Variants in ERBB4 observed in about 807,000 individuals in gnomAD.
ERBB4 encodes the protein erb-b2 receptor tyrosine kinase 4.
In ERBB4, 42 loss-of-function variants were observed where a neutral mutation model predicts 158.0. The observed-to-expected ratio is 0.27, with a 90% confidence interval of 0.21 to 0.34. ERBB4 has a LOEUF of 0.34. Ranked by LOEUF, ERBB4 falls within the 10% of genes least tolerant of loss-of-function variation. The pLI is 1.00. For synonymous variants in ERBB4, 583 were observed against 558.7 expected, an observed-to-expected ratio of 1.04 and a Z score of -0.61; for missense variants, 1,333 against 1,624.1, an observed-to-expected ratio of 0.82 and a Z score of 3.08.
At chr2:211,852,655 G>A (rs7597246) in intron 3 of ERBB4, among the ~76,000 whole-genome samples, 30,139 of 137,652 alleles carry the variant, frequency 0.22, 3,309 homozygotes, top group South Asian at 0.33. Flanking sequence ...TTTTTTTGCC[G>A]TTGCCATCAC....
rs185000400 is a variant in ERBB4, at chr2:211,603,762, G to A, written c.2301+15415C>T. On this transcript the variant is annotated intron_variant, in intron 19 of 27. Coordinates refer to ENST00000342788, the MANE Select transcript of ERBB4 (RefSeq NM_005235.3). The stretch of plus-strand genomic sequence containing the variant: ...ATCCCAAAAGAGGCCAATGAGAATC[G>A]TTTTCCTAAACTCTGCTTCCTTGAC... Among the ~76,000 whole-genome samples, 22 of 152,238 alleles carry A rather than the reference G, an allele frequency of 1.4e-4. No homozygotes were observed. In the East Asian group the frequency reaches 1.7e-3, roughly 12 times the overall value.
At chr2:212,108,015 C>T (rs1253326938) in intron 2 of ERBB4, among the ~76,000 whole-genome samples, 3 of 152,198 alleles carry the variant, frequency 2.0e-5, no homozygotes, top group African/African-American at 7.2e-5. Context: ...AACTAATACA[C>T]TAATATTTTC....
chr2:212,171,727 C>A (rs1295393028), intron 1 of ERBB4, among the ~76,000 whole-genome samples: 1 of 152,156 alleles, frequency 6.6e-6, no homozygotes, highest in Non-Finnish European at 1.5e-5. Flanking sequence ...CCTGCTGCCA[C>A]GTAAGACACG....
intron 2 of ERBB4, among the ~76,000 whole-genome samples, chr2:211,975,615 G>A (rs1421626940): frequency 6.6e-6 from 1 of 152,084 alleles, no homozygotes; most frequent in Admixed American, 6.5e-5. Flanking sequence ...ATATTTTGAA[G>A]GGTAAGCTGA....
At chr2:212,185,530 C>A (rs1312867974) in intron 1 of ERBB4, among the ~76,000 whole-genome samples, 3 of 152,050 alleles carry the variant, frequency 2.0e-5, no homozygotes, top group Non-Finnish European at 4.4e-5. Context: ...TACTTCAGAT[C>A]TTTCCTAGAG....
intron 22 of ERBB4, among the ~76,000 whole-genome samples, chr2:211,424,781 A>G (rs2063589406): frequency 6.6e-6 from 1 of 151,146 alleles, no homozygotes; most frequent in African/African-American, 2.5e-5. Context: ...ACAATAAAGA[A>G]TTGTGACTCT....
intron 5 of ERBB4, among the ~76,000 whole-genome samples, chr2:211,743,185 G>T (rs1042966893): frequency 1.3e-5 from 2 of 152,170 alleles, no homozygotes; most frequent in Non-Finnish European, 2.9e-5. Flanking sequence ...TTATCAGCAA[G>T]AAACATCACT....
chr2:212,426,789 C>G (rs1253392711), intron 1 of ERBB4, among the ~76,000 whole-genome samples: 1 of 152,012 alleles, frequency 6.6e-6, no homozygotes, highest in African/African-American at 2.4e-5. Context: ...CATAGCAGAA[C>G]TAAAAGCTAA....
intron 1 of ERBB4, among the ~76,000 whole-genome samples, chr2:212,143,086 A>C (rs2080540138): frequency 6.6e-6 from 1 of 152,170 alleles, no homozygotes; most frequent in African/African-American, 2.4e-5. Flanking sequence ...AAAATTTTCA[A>C]ATCAAATTAC....
intron 12 of ERBB4, among the ~76,000 whole-genome samples, chr2:211,687,178 G>A (rs564909837): frequency 2.6e-5 from 4 of 151,196 alleles, no homozygotes; most frequent in South Asian, 2.1e-4. Flanking sequence ...GGTGGTGGGC[G>A]CCTGTAGTCC....
chr2:212,481,452 C>A (rs971409867), intron 1 of ERBB4, among the ~76,000 whole-genome samples: 1 of 152,138 alleles, frequency 6.6e-6, no homozygotes, highest in African/African-American at 2.4e-5. Context: ...TAAAGAGATT[C>A]TAGTAGAACA....
chr2:212,196,389 A>T (rs1301567020), intron 1 of ERBB4, among the ~76,000 whole-genome samples: 1 of 152,024 alleles, frequency 6.6e-6, no homozygotes, highest in African/African-American at 2.4e-5. Flanking sequence ...AACAGGAAGC[A>T]TTGGTCTTGC....
rs5838302 is a variant in ERBB4, at chr2:212,177,959, A to AGTGT, written c.83-53060_83-53057dup. ...GTGTTTGTGAGTGTTTGTGAGTGTG[A>AGTGT]GTGTGTGTGTGTGTGTGTGTGTTGG... On this transcript the variant is annotated intron_variant, in intron 1 of 27. Coordinates refer to ENST00000342788, the MANE Select transcript of ERBB4 (RefSeq NM_005235.3). Among the ~76,000 whole-genome samples, 531 of 149,504 alleles carry AGTGT rather than the reference A, an allele frequency of 3.6e-3. 3 individuals are homozygous for AGTGT. The highest frequency in any genetic ancestry group is 0.02 in the Middle Eastern group (6 of 294).
At chr2:211,987,330 C>CAAAAAAAAAAAAAA (rs564412801) in intron 2 of ERBB4, among the ~76,000 whole-genome samples, 11 of 56,178 alleles carry the variant, frequency 2.0e-4, no homozygotes, top group East Asian at 7.8e-4. Flanking sequence ...CAAGAAAAGA[C>CAAAAAAAAAAAAAA]AAAAAAAAAA....
chr2:211,520,779 C>G (rs2066165335), intron 20 of ERBB4, among the ~76,000 whole-genome samples: 1 of 152,080 alleles, frequency 6.6e-6, no homozygotes, highest in Non-Finnish European at 1.5e-5. Context: ...TGTACTCACT[C>G]CACATCTCTG....
chr2:211,449,390 G>A (rs2064188062), intron 20 of ERBB4, among the ~76,000 whole-genome samples: 1 of 152,166 alleles, frequency 6.6e-6, no homozygotes, highest in Non-Finnish European at 1.5e-5. Flanking sequence ...AACATTTGCA[G>A]TTAAGGCATA....
At chr2:212,484,769 A>G (rs1303462819) in intron 1 of ERBB4, among the ~76,000 whole-genome samples, 1 of 152,154 alleles carries the variant, frequency 6.6e-6, no homozygotes, top group Non-Finnish European at 1.5e-5. Flanking sequence ...CACACGCCTC[A>G]AGTATTCTGG....
chr2:212,491,279 C>G (rs755249000), intron 1 of ERBB4, among the ~76,000 whole-genome samples: 4 of 151,540 alleles, frequency 2.6e-5, no homozygotes, highest in Non-Finnish European at 4.4e-5. Flanking sequence ...TTTAAAAAAG[C>G]AATAATAAGA....
intron 1 of ERBB4, among the ~76,000 whole-genome samples, chr2:212,489,419 G>T (rs191583071): frequency 6.6e-6 from 1 of 151,986 alleles, no homozygotes; most frequent in Admixed American, 6.6e-5. Context: ...AGTCCTTATA[G>T]TACTTTTTCT....
Sources: allele counts gnomAD v4.1 joint callset (sites outside exome capture counted in the v4.1 genomes callset), GRCh38; gene constraint gnomAD v4.1.1; transcripts MANE v1.5; gene names NCBI Gene and HGNC (gene_info 2026-07-23, HGNC 2026-07-21).